The following MYOT variants were observed in gnomAD, a reference collection of about 807,000 sequenced individuals.
MYOT encodes the protein myotilin, also known as 57 kDa cytoskeletal protein.
In MYOT, 36 loss-of-function variants were observed where a neutral mutation model predicts 58.0. The observed-to-expected ratio is 0.62, with a 90% CI of 0.48 to 0.82. The LOEUF is 0.82. Among genes scored for constraint, MYOT ranks in the 40% least tolerant of loss-of-function variants. The pLI, the probability that MYOT is intolerant of heterozygous loss-of-function variation, is 0.00. For missense variants in MYOT, 505 were observed against 592.1 expected (o/e 0.85, Z 1.53); for synonymous variants, 218 against 204.6 (o/e 1.07, Z -0.56).
rs779350885 is a variant in MYOT, at chr5:137,883,607, G to C, written c.1024+16G>C. The C allele has an allele frequency of 1.2e-6, 2 of 1,608,090 alleles. No homozygotes were observed. The highest frequency in any genetic ancestry group is 1.7e-6 in the Non-Finnish European group (2 of 1,174,724). On this transcript the variant is annotated intron_variant, in intron 7 of 9. Coordinates refer to ENST00000239926, the MANE Select transcript of MYOT (RefSeq NM_006790.3). ...GATGTCCTTGGTAAGCCTCCAAAGA[G>C]ACCCTTGAGAATTCCTTAAAATCCA...
At chr5:137,880,176 T>C (rs147189903) in intron 4 of MYOT, among the ~76,000 whole-genome samples, 70 of 152,350 alleles carry the variant, frequency 4.6e-4, no homozygotes, top group South Asian at 2.7e-3. Flanking sequence ...CATAAATCCC[T>C]GATTTTATTC....
intron 4 of MYOT, among the ~76,000 whole-genome samples, chr5:137,879,516 CTTTTTTT>C (rs34327276): frequency 4.4e-4 from 44 of 99,512 alleles, no homozygotes; most frequent in South Asian, 1.0e-3. Context: ...GATGGTTCAT[CTTTTTTT>C]TTTTTTTTTT....
At chr5:137,880,343 C>A (rs1023959787) in intron 4 of MYOT, among the ~76,000 whole-genome samples, 4 of 152,172 alleles carry the variant, frequency 2.6e-5, no homozygotes, top group Non-Finnish European at 5.9e-5. Context: ...GTGCCACGAG[C>A]TAAAAAGAGA....
chr5:137,874,581 A>G (rs1349250696), intron 2 of MYOT, among the ~76,000 whole-genome samples: 2 of 152,248 alleles, frequency 1.3e-5, no homozygotes, highest in Non-Finnish European at 2.9e-5. Context: ...TAACAGATCT[A>G]AAAATACAGG....
At chr5:137,881,043 CAG>C (rs773718498) in intron 5 of MYOT, among the ~76,000 whole-genome samples, 178 bp downstream of exon 5, 30 of 152,198 alleles carry the variant, frequency 2.0e-4, no homozygotes, top group Non-Finnish European at 4.4e-4. Flanking sequence ...AAAACTATCA[CAG>C]GGGAATTTTT....
At chr5:137,869,116 GA>G (rs1300139424) in intron 1 of MYOT, among the ~76,000 whole-genome samples, 1 of 151,986 alleles carries the variant, frequency 6.6e-6, no homozygotes, top group Non-Finnish European at 1.5e-5. Flanking sequence ...CTTTGGTCTG[GA>G]AAAGTTTTAT....
intron 3 of MYOT, among the ~76,000 whole-genome samples, chr5:137,877,137 G>C (rs1580855164): frequency 6.6e-6 from 1 of 151,744 alleles, no homozygotes; most frequent in East Asian, 1.9e-4. Flanking sequence ...GGGAGGCCGA[G>C]GCGGGTGGAT....
intron 2 of MYOT, among the ~76,000 whole-genome samples, chr5:137,874,641 G>A (rs947224753): frequency 2.6e-5 from 4 of 152,094 alleles, no homozygotes; most frequent in African/African-American, 7.2e-5. Context: ...AGGGAAATAC[G>A]GGAGGGGCAA....
intron 2 of MYOT, among the ~76,000 whole-genome samples, chr5:137,873,098 A>G (rs1391922685): frequency 6.6e-6 from 1 of 152,216 alleles, no homozygotes; most frequent in East Asian, 1.9e-4. Context: ...ATTGGTTTTG[A>G]TAATCCTTCA....
chr5:137,887,456 T>G lies in MYOT; in HGVS notation c.*71T>G, dbSNP rs1561666760. 2 of 1,436,380 alleles carry G rather than the reference T, an allele frequency of 1.4e-6. No homozygotes were observed. Among genetic ancestry groups the G allele is most frequent in the East Asian group, 4.7e-5 (2 of 42,492 alleles). The allele number at this position is 1,436,380 out of a possible 1,614,324, so 89.0% of individuals were successfully genotyped here. A position where few individuals can be genotyped will look rare whatever the true frequency, so the allele number is the denominator to read the frequency against. On this transcript the variant is annotated 3_prime_UTR_variant, in exon 10 of 10. Transcript: ENST00000239926. ...ATATTTGATTACATTTTTTTGAAAT[T>G]AATCCATAGCTGTATTAACAGATTA...
Position 137,880,557 on chromosome 5 carries a change from A to G in MYOT, c.634-259A>G, listed in dbSNP as rs765139902. ...CATAAAATAGTCATCTGAAAAATGA[A>G]CCACCATCAATTCCAAGTCTAGCTA... On this transcript the variant is annotated intron_variant, in intron 4 of 9. Coordinates refer to ENST00000239926, the MANE Select transcript of MYOT (RefSeq NM_006790.3). 5.9e-5 allele frequency: 23 copies of G among 392,354 alleles called. 1 individual carries two copies. Among genetic ancestry groups the G allele is most frequent in the Non-Finnish European group, 1.0e-4 (22 of 214,088 alleles). 24.3% of individuals were successfully genotyped at this position (392,354 alleles called of 1,614,324 possible). A position where few individuals can be genotyped will look rare whatever the true frequency, so the allele number is the denominator to read the frequency against.
Position 137,887,489 on chromosome 5 carries a change from A to C in MYOT, c.*104A>C, listed in dbSNP as rs1219220353. On this transcript the variant is annotated 3_prime_UTR_variant, in exon 10 of 10. Coordinates refer to ENST00000239926, the MANE Select transcript of MYOT (RefSeq NM_006790.3). ...AGCTGTATTAACAGATTATGGTTTT[A>C]ATTAGGTAATATAGTTAATATATAT... is the stretch of plus-strand genomic sequence containing the variant. The C allele has an allele frequency of 5.0e-6, 5 of 991,642 alleles. No homozygotes were observed. Among genetic ancestry groups the C allele is most frequent in the Non-Finnish European group, 6.1e-6 (4 of 654,826 alleles). The allele number at this position is 991,642 out of a possible 1,614,324, so 61.4% of individuals were successfully genotyped here.
chr5:137,869,226 C>T (rs1254902151), intron 1 of MYOT, among the ~76,000 whole-genome samples: 4 of 152,094 alleles, frequency 2.6e-5, no homozygotes, highest in East Asian at 3.9e-4. Context: ...TTTGATTTGT[C>T]ATTATCTCAG....
intron 2 of MYOT, among the ~76,000 whole-genome samples, chr5:137,874,967 C>A (rs1455361442): frequency 2.0e-5 from 3 of 152,104 alleles, no homozygotes; most frequent in Non-Finnish European, 2.9e-5. Flanking sequence ...AATCACTGGA[C>A]AAAAGAGCCA....
At chr5:137,876,238 TTC>T (rs563244463) in intron 3 of MYOT, 152 of 512,496 alleles carry the variant, frequency 3.0e-4, no homozygotes, top group African/African-American at 2.3e-3. Flanking sequence ...AATGAAATTT[TTC>T]TGTTATTAAA....
chr5:137,870,995 C>T lies in MYOT; in HGVS notation c.344C>T (p.Ala115Val). ...PDYNSSKIPS[A>V]MDSNYQQSSA... ...TACAATAGCAGTAAAATCCCTTCCGCTATGGATTCCAAGTAAGTGAATTTT... is the reference window on the plus strand; with the variant it reads ...TACAATAGCAGTAAAATCCCTTCCGTTATGGATTCCAAGTAAGTGAATTTT... The change falls in exon 2 of 10, where the codon GCT (alanine) becomes GTT (valine). Residue 115 changes from alanine to valine, a missense_variant. Physicochemically the swap from Ala to Val is moderately conservative, Grantham distance 64. Transcript: ENST00000239926. The T allele has an allele frequency of 1.2e-6, 2 of 1,613,310 alleles. No homozygotes were observed. Among genetic ancestry groups the T allele is most frequent in the Non-Finnish European group, 8.5e-7 (1 of 1,179,316 alleles).
At chr5:137,884,074 T>C (rs1345785600) in intron 7 of MYOT, among the ~76,000 whole-genome samples, 3 of 152,160 alleles carry the variant, frequency 2.0e-5, no homozygotes, top group Admixed American at 6.5e-5. Flanking sequence ...AGGCTGGGTA[T>C]AGTGACTCAG....
rs74716859 is a variant in MYOT, at chr5:137,868,240, T to C, written c.-212+287T>C. Reference sequence around the variant, plus strand: ...CTGATGTAATTGTGGTGATGTCTTATGAACGCAACATATCCTCTATCAGTC... The same window carrying C: ...CTGATGTAATTGTGGTGATGTCTTACGAACGCAACATATCCTCTATCAGTC... On this transcript the variant is annotated intron_variant, in intron 1 of 9. Transcript: ENST00000239926. Among the ~76,000 whole-genome samples the C allele has an allele frequency of 5.8e-4, 88 of 152,336 alleles. 1 individual carries two copies. The South Asian group carries it at 7.7e-3, about 13-fold the overall frequency.
intron 7 of MYOT, 99 bp from the exon 8 acceptor site, chr5:137,885,949 A>G: frequency 1.3e-6 from 1 of 788,906 alleles, no homozygotes; most frequent in Non-Finnish European, 2.0e-6. Context: ...TTGCTTTTTA[A>G]CATTTTAATA....
Sources: gnomAD v4.1 joint callset for allele counts (sites outside exome capture counted in the v4.1 genomes callset) on GRCh38, gnomAD v4.1.1 for gene constraint, MANE v1.5 for transcripts, NCBI Gene and HGNC (gene_info 2026-07-23, HGNC 2026-07-21) for gene names.